LOC400499: variants seen among roughly 807,000 people sequenced by gnomAD.
At chr16:11,393,915 C>A in the LOC400499 span, among the ~76,000 whole-genome samples, 1 of 152,150 alleles carries the variant, frequency 6.6e-6, no homozygotes, top group Non-Finnish European at 1.5e-5. Context: ...CCTGTCTCTA[C>A]CAAAAATACA....
the LOC400499 span, among the ~76,000 whole-genome samples, chr16:11,481,685 T>G: frequency 6.6e-6 from 1 of 151,982 alleles, no homozygotes; most frequent in Non-Finnish European, 1.5e-5. Context: ...CAGGCTGGAG[T>G]GCAGTGGTGC....
At chr16:11,502,827 G>C in the LOC400499 span, among the ~76,000 whole-genome samples, 1 of 151,094 alleles carries the variant, frequency 6.6e-6, no homozygotes, top group Non-Finnish European at 1.5e-5. Flanking sequence ...TGTTAGCCAG[G>C]ATGGTCTCGA....
chr16:11,396,768 C>T, the LOC400499 span: 109,515 of 1,040,122 alleles, frequency 0.11, 6,487 homozygotes, highest in Non-Finnish European at 0.12. Flanking sequence ...CAGCAGCTGC[C>T]ACCTCCCAGC....
the LOC400499 span, among the ~76,000 whole-genome samples, chr16:11,389,060 C>G: frequency 6.6e-6 from 1 of 152,170 alleles, no homozygotes. Context: ...GTACTCCAGC[C>G]TGGGCAACAA....
At chr16:11,502,689 A>C in the LOC400499 span, among the ~76,000 whole-genome samples, 1 of 148,498 alleles carries the variant, frequency 6.7e-6, no homozygotes. Context: ...ATCTCGGCTC[A>C]CGGCAACCTC....
the LOC400499 span, among the ~76,000 whole-genome samples, chr16:11,452,474 G>A: frequency 6.6e-6 from 1 of 152,156 alleles, no homozygotes; most frequent in African/African-American, 2.4e-5. Context: ...ATGATCAAGG[G>A]CGCCCCTCTG....
At chr16:11,428,335 C>G in the LOC400499 span, among the ~76,000 whole-genome samples, 1 of 152,074 alleles carries the variant, frequency 6.6e-6, no homozygotes, top group Non-Finnish European at 1.5e-5. Context: ...CCACGCCTGG[C>G]TAATTTTTTT....
the LOC400499 span, among the ~76,000 whole-genome samples, chr16:11,524,301 C>A: frequency 6.8e-6 from 1 of 146,324 alleles, no homozygotes; most frequent in African/African-American, 2.6e-5. Context: ...ACCCACTCCC[C>A]GCTGTTATCC....
chr16:11,414,952 G>C, the LOC400499 span, among the ~76,000 whole-genome samples: 1 of 152,180 alleles, frequency 6.6e-6, no homozygotes, highest in East Asian at 1.9e-4. Context: ...TCAGTGCCTG[G>C]GGTCGGGATT....
At chr16:11,417,935 G>T in the LOC400499 span, 1 of 397,890 alleles carries the variant, frequency 2.5e-6, no homozygotes, top group East Asian at 3.6e-5. Context: ...GGGGTTATCA[G>T]TGCCATCCAC....
the LOC400499 span, among the ~76,000 whole-genome samples, chr16:11,448,275 C>G: frequency 1.8e-3 from 269 of 152,328 alleles, no homozygotes; most frequent in African/African-American, 6.1e-3. Flanking sequence ...CATGGCTAGA[C>G]CTCCCTAGGT....
At chr16:11,392,358 CCAG>C in the LOC400499 span, 7 of 398,906 alleles carry the variant, frequency 1.8e-5, no homozygotes, top group Middle Eastern at 6.2e-4. Context: ...CCGCGCGCGG[CCAG>C]CAGGAGACTC....
At chr16:11,417,514 C>T in the LOC400499 span, 1 of 397,932 alleles carries the variant, frequency 2.5e-6, no homozygotes, top group Non-Finnish European at 4.4e-6. Context: ...TCCTGGAGCC[C>T]AGAGCCACAC....
the LOC400499 span, among the ~76,000 whole-genome samples, chr16:11,426,037 G>A: frequency 4.6e-5 from 7 of 152,164 alleles, no homozygotes; most frequent in Admixed American, 2.0e-4. Context: ...GTTTCATACC[G>A]AAGTCCAATT....
At chr16:11,436,778 G>C in the LOC400499 span, among the ~76,000 whole-genome samples, 1 of 151,714 alleles carries the variant, frequency 6.6e-6, no homozygotes, top group Non-Finnish European at 1.5e-5. Flanking sequence ...ATTTTTAGTA[G>C]AGATGGGGTT....
At chr16:11,490,396 GAAAA>G in the LOC400499 span, among the ~76,000 whole-genome samples, 1 of 60,584 alleles carries the variant, frequency 1.7e-5, no homozygotes, top group East Asian at 4.7e-4. Flanking sequence ...ACTCTGTCTC[GAAAA>G]AAAAAAAAAA....
chr16:11,412,803 C>T, the LOC400499 span: 1 of 398,832 alleles, frequency 2.5e-6, no homozygotes, highest in East Asian at 3.6e-5. Flanking sequence ...GTCAATGGTT[C>T]CTCCCCCGAC....
chr16:11,406,495 C>T, the LOC400499 span, among the ~76,000 whole-genome samples: 1 of 152,228 alleles, frequency 6.6e-6, no homozygotes, highest in Non-Finnish European at 1.5e-5. Context: ...TGCAACGGCG[C>T]AATCTCGGCT....
At chr16:11,502,846 C>T in the LOC400499 span, among the ~76,000 whole-genome samples, 2 of 150,486 alleles carry the variant, frequency 1.3e-5, no homozygotes, top group African/African-American at 4.9e-5. Context: ...GATCTCCTGA[C>T]CTTGTGATCT....
Sources: allele counts gnomAD v4.1 joint callset (sites outside exome capture counted in the v4.1 genomes callset), GRCh38; gene constraint gnomAD v4.1.1; transcripts MANE v1.5.